Variants in TMTC4 observed in about 807,000 individuals in gnomAD.
The protein encoded by TMTC4 is protein O-mannosyl-transferase TMTC4.
In TMTC4, 65 loss-of-function variants were observed where a neutral mutation model predicts 86.0. That is an observed-to-expected ratio of 0.76 (90% confidence interval 0.62 to 0.93). The LOEUF (loss-of-function observed/expected upper bound fraction) is 0.93. TMTC4 is among the 40% of genes least tolerant of loss of function. TMTC4 has a pLI of 0.00. For synonymous variants in TMTC4, 379 were observed against 382.5 expected (o/e 0.99, Z 0.11); for missense variants, 866 against 948.1 (o/e 0.91, Z 1.14).
At chr13:100,625,261 C>T (rs1473866113) in intron 15 of TMTC4, 9 of 428,626 alleles carry the variant, frequency 2.1e-5, no homozygotes, top group African/African-American at 4.0e-5. Context: ...TTTTACAGGG[C>T]GGACGGGACT....
intron 7 of TMTC4, among the ~76,000 whole-genome samples, chr13:100,641,832 G>A (rs975097089): frequency 6.6e-6 from 1 of 152,170 alleles, no homozygotes; most frequent in Non-Finnish European, 1.5e-5. Context: ...CTAGATCCAG[G>A]ATCAAAACCA....
chr13:100,625,932 C>A, intron 13 of TMTC4, 40 bp from the exon 14 acceptor site: 3 of 1,601,518 alleles, frequency 1.9e-6, no homozygotes, highest in South Asian at 2.2e-5. Context: ...ATTAAATGCT[C>A]AATAGTAAGT....
chr13:100,661,276 T>C (rs1885740422), intron 5 of TMTC4, among the ~76,000 whole-genome samples: 2 of 152,226 alleles, frequency 1.3e-5, no homozygotes, highest in South Asian at 4.1e-4. Flanking sequence ...TGTGCGTGTG[T>C]GTGAGAGAGA....
At chr13:100,659,889 T>C (rs1885554432) in intron 5 of TMTC4, among the ~76,000 whole-genome samples, 1 of 146,490 alleles carries the variant, frequency 6.8e-6, no homozygotes, top group East Asian at 2.0e-4. Flanking sequence ...CCCAGAACCC[T>C]CTCAATCTCA....
chr13:100,663,001 G>T lies in TMTC4; in HGVS notation c.515C>A (p.Ala172Glu), dbSNP rs760603260. ...CACAGGATGGACAGCAAACAGCAGC[G>T]CGGCCAGCAGGGACGCCCTGGGGGC... ...HLAPRASLLAALLFAVHPVHT... is the reference protein window; with the variant it reads ...HLAPRASLLAELLFAVHPVHT... The change falls in exon 5 of 19, where the codon GCG becomes GAG. Residue 172 changes from alanine (A) to glutamate (E), a missense_variant. By Grantham distance (107) the Ala-to-Glu change is moderately radical. Transcript: ENST00000342624. The T allele has an allele frequency of 1.9e-6, 3 of 1,614,068 alleles. No individual in the cohort carries two copies. Among genetic ancestry groups the T allele is most frequent in the South Asian group, 1.1e-5 (1 of 91,078 alleles).
intron 6 of TMTC4, among the ~76,000 whole-genome samples, chr13:100,646,038 C>T (rs1883691374): frequency 6.6e-6 from 1 of 152,188 alleles, no homozygotes; most frequent in South Asian, 2.1e-4. Context: ...ACCAGTGCCA[C>T]TCACGGGTGT....
At chr13:100,660,913 C>T (rs193155900) in intron 5 of TMTC4, among the ~76,000 whole-genome samples, 1 of 152,244 alleles carries the variant, frequency 6.6e-6, no homozygotes, top group Admixed American at 6.5e-5. Context: ...TTCGGCCTCC[C>T]GAAGTGCTGT....
chr13:100,653,303 G>T (rs1884676129), intron 6 of TMTC4, among the ~76,000 whole-genome samples: 1 of 152,194 alleles, frequency 6.6e-6, no homozygotes, highest in Admixed American at 6.5e-5. Flanking sequence ...GACTAGGAGA[G>T]GCTCCAGCAG....
Position 100,646,875 on chromosome 13 carries a change from A to G in TMTC4, c.641-4564T>C, listed in dbSNP as rs144474298. Among the ~76,000 whole-genome samples, 651 of 152,358 alleles carry G rather than the reference A, an allele frequency of 4.3e-3. 7 individuals are homozygous for G. The highest frequency in any genetic ancestry group is 0.015 in the African/African-American group (633 of 41,590). On this transcript the variant is annotated intron_variant, in intron 6 of 18. Coordinates refer to ENST00000342624, the MANE Select transcript of TMTC4 (RefSeq NM_032813.5). ...GAGCACTTAACGTATTTATTGTTTC[A>G]TGTGGGCATTTGCTAGCACTCATCA...
intron 10 of TMTC4, chr13:100,635,586 T>C (rs1425830280): frequency 6.4e-6 from 1 of 155,292 alleles, no homozygotes; most frequent in African/African-American, 2.4e-5. Context: ...CCCAATCAGT[T>C]TTCACGGGGA....
chr13:100,632,053 A>ACACACACACACACTCTCTCTCTCTCTCT (rs1296569630), intron 12 of TMTC4, among the ~76,000 whole-genome samples: 1 of 43,110 alleles, frequency 2.3e-5, no homozygotes, highest in Non-Finnish European at 4.7e-5. Context: ...ACACACACAC[A>ACACACACACACACTCTCTCTCTCTCTCT]CTCTCTCTCT....
At chr13:100,637,343 T>C (rs1161274249) in intron 9 of TMTC4, among the ~76,000 whole-genome samples, 195 bp downstream of exon 9, 1 of 152,178 alleles carries the variant, frequency 6.6e-6, no homozygotes, top group Non-Finnish European at 1.5e-5. Context: ...AGCTTCTGCA[T>C]GCCCTTTCAA....
intron 17 of TMTC4, 92 bp from the exon 18 acceptor site, chr13:100,606,519 A>G (rs944745382): frequency 9.9e-7 from 1 of 1,013,070 alleles, no homozygotes; most frequent in African/African-American, 1.6e-5. Context: ...TCAAACTTTT[A>G]ACCTCCTCCT....
chr13:100,660,809 A>G (rs996358313), intron 5 of TMTC4, among the ~76,000 whole-genome samples: 1 of 152,038 alleles, frequency 6.6e-6, no homozygotes, highest in Non-Finnish European at 1.5e-5. Flanking sequence ...GCATACCACC[A>G]TGCCCGGCTC....
chr13:100,642,376 G>C, intron 6 of TMTC4, 65 bp from the exon 7 acceptor site: 1 of 1,566,258 alleles, frequency 6.4e-7, no homozygotes, highest in Non-Finnish European at 8.8e-7. Context: ...TTAGCATCAG[G>C]AACTAAAATT....
chr13:100,632,251 A>T (rs551654634), intron 12 of TMTC4, among the ~76,000 whole-genome samples: 13 of 152,100 alleles, frequency 8.5e-5, no homozygotes, highest in Non-Finnish European at 1.8e-4. Flanking sequence ...ACATCACCAT[A>T]CCAGGTCTCT....
chr13:100,609,674 T>TACAC (rs796361124), intron 17 of TMTC4, among the ~76,000 whole-genome samples: 107 of 89,588 alleles, frequency 1.2e-3, no homozygotes, highest in Admixed American at 5.3e-3. Flanking sequence ...ACTAAATGTA[T>TACAC]ATATATACAC....
At chr13:100,628,952 C>T (rs7996182) in intron 12 of TMTC4, among the ~76,000 whole-genome samples, 20,565 of 152,024 alleles carry the variant, frequency 0.14, 1,536 homozygotes, top group Middle Eastern at 0.19. Context: ...AGTTCGAGAC[C>T]AGCGTGTCCA....
chr13:100,672,102 A>G (rs574104055), intron 1 of TMTC4, among the ~76,000 whole-genome samples: 1 of 152,298 alleles, frequency 6.6e-6, no homozygotes, highest in Non-Finnish European at 1.5e-5. Flanking sequence ...GAGAAAATGT[A>G]TGCAAACAAC....
Sources: allele counts gnomAD v4.1 joint callset (sites outside exome capture counted in the v4.1 genomes callset), GRCh38; gene constraint gnomAD v4.1.1; transcripts MANE v1.5; gene names NCBI Gene and HGNC (gene_info 2026-07-23, HGNC 2026-07-21).